Variants in SPATS2L observed in about 807,000 individuals in gnomAD.
SPATS2L encodes spermatogenesis associated serine rich 2 like.
Under a neutral mutation model 59.6 loss-of-function variants are expected in SPATS2L, and 30 were observed. The observed-to-expected ratio is 0.50, with a 90% CI of 0.38 to 0.68. The LOEUF (loss-of-function observed/expected upper bound fraction) is 0.68. SPATS2L is among the 30% of genes least tolerant of loss of function. The pLI is 0.00. For missense variants in SPATS2L, 615 were observed against 700.0 expected, an observed-to-expected ratio of 0.88 and a Z score of 1.37; for synonymous variants, 252 against 263.5, an observed-to-expected ratio of 0.96 and a Z score of 0.42.
At chr2:200,357,706 T>C (rs2080961849) in intron 2 of SPATS2L, among the ~76,000 whole-genome samples, 1 of 152,180 alleles carries the variant, frequency 6.6e-6, no homozygotes, top group African/African-American at 2.4e-5. Context: ...TCACATGAAA[T>C]GACAAGTACA....
At chr2:200,421,649 G>A (rs1161007903) in intron 6 of SPATS2L, among the ~76,000 whole-genome samples, 1 of 152,148 alleles carries the variant, frequency 6.6e-6, no homozygotes, top group Non-Finnish European at 1.5e-5. Context: ...CTTCATGATG[G>A]TTTCCTAAAA....
intron 2 of SPATS2L, among the ~76,000 whole-genome samples, chr2:200,334,696 G>A (rs1434204824): frequency 1.3e-5 from 2 of 152,030 alleles, no homozygotes; most frequent in East Asian, 1.9e-4. Context: ...TGTATAAGGT[G>A]TAAGGAAGGG....
chr2:200,425,745 C>T (rs1462749815), intron 6 of SPATS2L, among the ~76,000 whole-genome samples: 1 of 152,138 alleles, frequency 6.6e-6, no homozygotes, highest in African/African-American at 2.4e-5. Flanking sequence ...AAAGGTTTTG[C>T]TCTTGGGGAG....
chr2:200,326,830 G>A (rs921414178), intron 1 of SPATS2L, among the ~76,000 whole-genome samples: 1 of 150,444 alleles, frequency 6.6e-6, no homozygotes, highest in Non-Finnish European at 1.5e-5. Context: ...TGCCTTCCCA[G>A]TTCAAGCGAT....
Position 200,478,056 on chromosome 2 carries a change from C to A in SPATS2L, c.*25C>A, listed in dbSNP as rs2289197. The A allele has an allele frequency of 3.9e-4, 598 of 1,519,438 alleles. 7 individuals carry two copies. The East Asian group carries it at 0.013, about 33-fold the overall frequency. The allele number at this position is 1,519,438 out of a possible 1,614,324, so 94.1% of individuals were successfully genotyped here. A position where few individuals can be genotyped will look rare whatever the true frequency, so the allele number is the denominator to read the frequency against. On this transcript the variant is annotated 3_prime_UTR_variant, in exon 13 of 13. Transcript: ENST00000409140. The stretch of plus-strand genomic sequence containing the variant: ...AGCTAGGAGGAAAAAGAGCAGTTTT[C>A]ACTCAGTTTTGGTTCCCTGCCCGAG...
chr2:200,352,235 A>T, intron 2 of SPATS2L, among the ~76,000 whole-genome samples: 1 of 150,922 alleles, frequency 6.6e-6, no homozygotes, highest in African/African-American at 2.5e-5. Flanking sequence ...CATATACTTA[A>T]AGACCATAAA....
intron 1 of SPATS2L, among the ~76,000 whole-genome samples, chr2:200,320,123 A>G (rs1027667483): frequency 2.0e-5 from 3 of 152,172 alleles, no homozygotes; most frequent in African/African-American, 7.2e-5. Flanking sequence ...CTAGCTTGAC[A>G]GTCTTTCACT....
chr2:200,365,822 AT>A (rs765650787), intron 2 of SPATS2L, among the ~76,000 whole-genome samples: 10 of 152,056 alleles, frequency 6.6e-5, no homozygotes, highest in Admixed American at 1.3e-4. Context: ...CTTGTATTGT[AT>A]TGTTTTCTGC....
At chr2:200,412,509 T>C in intron 4 of SPATS2L, 90 bp downstream of exon 4, 1 of 669,112 alleles carries the variant, frequency 1.5e-6, no homozygotes, top group Non-Finnish European at 2.5e-6. Flanking sequence ...TGAATATCAA[T>C]TCATTATGTG....
intron 2 of SPATS2L, among the ~76,000 whole-genome samples, chr2:200,387,044 C>A (rs567000244): frequency 8.3e-4 from 126 of 152,292 alleles, no homozygotes; most frequent in Middle Eastern, 3.4e-3. Flanking sequence ...ACAAAAACAC[C>A]TAATTATTTG....
intron 1 of SPATS2L, among the ~76,000 whole-genome samples, chr2:200,314,926 A>C (rs2079317655): frequency 2.0e-5 from 3 of 152,262 alleles, no homozygotes; most frequent in Admixed American, 2.0e-4. Context: ...GTTAAACAAA[A>C]TATATTACTA....
chr2:200,420,986 A>G (rs1396966478), intron 6 of SPATS2L, among the ~76,000 whole-genome samples: 1 of 152,176 alleles, frequency 6.6e-6, no homozygotes, highest in Admixed American at 6.5e-5. Flanking sequence ...TTTGATGAGA[A>G]TCACTACACT....
intron 3 of SPATS2L, among the ~76,000 whole-genome samples, chr2:200,409,855 G>GT (rs1559106826): frequency 6.6e-6 from 1 of 152,090 alleles, no homozygotes; most frequent in Admixed American, 6.5e-5. Context: ...CTTACCATGT[G>GT]TTTTTTTCTT....
intron 4 of SPATS2L, among the ~76,000 whole-genome samples, 186 bp downstream of exon 4, chr2:200,412,605 C>CAAAA (rs11324274): frequency 3.2e-5 from 4 of 126,276 alleles, no homozygotes; most frequent in Non-Finnish European, 6.6e-5. Flanking sequence ...GACCCCATCT[C>CAAAA]AAAAAAAAAA....
At chr2:200,318,370 C>T (rs2079449334) in intron 1 of SPATS2L, among the ~76,000 whole-genome samples, 1 of 152,134 alleles carries the variant, frequency 6.6e-6, no homozygotes, top group Admixed American at 6.5e-5. Flanking sequence ...ACTGTAATTC[C>T]ATACCCTCAA....
chr2:200,468,238 T>A (rs1312029827), intron 10 of SPATS2L, among the ~76,000 whole-genome samples: 1 of 150,426 alleles, frequency 6.6e-6, no homozygotes, highest in Non-Finnish European at 1.5e-5. Context: ...TGCATCAGGG[T>A]ACAGTTACCA....
intron 8 of SPATS2L, among the ~76,000 whole-genome samples, chr2:200,452,519 C>T (rs2085531065): frequency 6.6e-6 from 1 of 152,278 alleles, no homozygotes; most frequent in East Asian, 1.9e-4. Flanking sequence ...AATTTATTAA[C>T]CATGATTTCA....
chr2:200,314,116 C>A (rs1198592994), intron 1 of SPATS2L, among the ~76,000 whole-genome samples: 1 of 152,196 alleles, frequency 6.6e-6, no homozygotes, highest in Non-Finnish European at 1.5e-5. Flanking sequence ...GCATCTCCAG[C>A]CTTGAAATCT....
intron 8 of SPATS2L, among the ~76,000 whole-genome samples, chr2:200,444,036 A>C (rs1385225100): frequency 6.6e-6 from 1 of 152,248 alleles, no homozygotes; most frequent in African/African-American, 2.4e-5. Context: ...TGCGAGGGGA[A>C]TAAAGATGAT....
Sources: allele counts gnomAD v4.1 joint callset (sites outside exome capture counted in the v4.1 genomes callset), GRCh38; gene constraint gnomAD v4.1.1; transcripts MANE v1.5; gene names NCBI Gene and HGNC (gene_info 2026-07-23, HGNC 2026-07-21).